Variants in DDX46 observed in about 807,000 individuals in gnomAD.
DDX46 encodes DEAD-box helicase 46.
In DDX46, 30 loss-of-function variants were observed where a neutral mutation model predicts 134.9. That is an observed-to-expected ratio of 0.22 (90% CI 0.17 to 0.30). The LOEUF (loss-of-function observed/expected upper bound fraction) is 0.30. Among genes scored for constraint, DDX46 ranks in the 10% least tolerant of loss-of-function variants. DDX46 has a pLI of 1.00. For missense variants in DDX46, 622 were observed against 1,248.7 expected, an observed-to-expected ratio of 0.50 and a Z score of 7.56; for synonymous variants, 415 against 404.1, an observed-to-expected ratio of 1.03 and a Z score of -0.32.
At chr5:134,786,044 T>G (rs924491580) in intron 11 of DDX46, among the ~76,000 whole-genome samples, 5 of 152,226 alleles carry the variant, frequency 3.3e-5, no homozygotes, top group African/African-American at 1.2e-4. Flanking sequence ...AGACGGGGTT[T>G]CACCATATTG....
chr5:134,777,853 G>A, intron 6 of DDX46, 128 bp downstream of exon 6: 1 of 1,147,388 alleles, frequency 8.7e-7, no homozygotes, highest in South Asian at 1.8e-5. Flanking sequence ...TCTGAGAGAT[G>A]GCAGTACTTT....
At position 134,794,941 on chromosome 5, in the gene DDX46, G is replaced by A; in HGVS notation, c.1718G>A (p.Arg573Lys). The A allele has an allele frequency of 6.2e-7, 1 of 1,614,180 alleles. No individual in the cohort carries two copies. The highest frequency in any genetic ancestry group is 2.2e-5 in the East Asian group (1 of 44,888). ...AGAGCTATGGAGGCTTTGGCTCGCAGGATCCTCAGTAAACCTATTGAAGTA... is the reference window on the plus strand; with the variant it reads ...AGAGCTATGGAGGCTTTGGCTCGCAAGATCCTCAGTAAACCTATTGAAGTA... ...FPRAMEALAR[R>K]ILSKPIEVQV... Residue 573 changes from arginine (R) to lysine (K), a missense_variant, in exon 14 of 23, where the codon AGG (arginine) becomes AAG (lysine). Transcript: ENST00000452510.
chr5:134,828,735 C>A lies in DDX46; in HGVS notation c.*29C>A. ...TCCGGAAAAAAGATTTTTACCTGTG[C>A]TGGTCTATGATGTATGTGGCAGTTG... On this transcript the variant is annotated 3_prime_UTR_variant, in exon 23 of 23. Coordinates refer to ENST00000452510, the MANE Select transcript of DDX46 (RefSeq NM_001300860.2). The A allele has an allele frequency of 6.8e-7, 1 of 1,463,696 alleles. No homozygotes were observed. Among genetic ancestry groups the A allele is most frequent in the South Asian group, 1.5e-5 (1 of 65,094 alleles). The allele number at this position is 1,463,696 out of a possible 1,614,324, so 90.7% of individuals were successfully genotyped here.
chr5:134,803,213 G>A (rs1754884091), intron 15 of DDX46, among the ~76,000 whole-genome samples: 1 of 151,806 alleles, frequency 6.6e-6, no homozygotes, highest in Non-Finnish European at 1.5e-5. Flanking sequence ...AGGCTGGTCT[G>A]GAACTCCTGA....
chr5:134,774,951 T>C (rs1753889062), intron 5 of DDX46, among the ~76,000 whole-genome samples: 1 of 152,004 alleles, frequency 6.6e-6, no homozygotes, highest in African/African-American at 2.4e-5. Context: ...GCCTCAGCTT[T>C]TCAAGTAGTC....
intron 1 of DDX46, among the ~76,000 whole-genome samples, chr5:134,761,052 G>A (rs1485200426): frequency 6.6e-6 from 1 of 151,512 alleles, no homozygotes; most frequent in Non-Finnish European, 1.5e-5. Flanking sequence ...TTGAGACAGG[G>A]ACTTGCTCTG....
At chr5:134,808,010 GA>G in intron 16 of DDX46, 69 bp downstream of exon 16, 2 of 1,387,480 alleles carry the variant, frequency 1.4e-6, no homozygotes, top group Non-Finnish European at 9.7e-7. Context: ...GTATTTCAAG[GA>G]GTAGATAATA....
chr5:134,798,711 C>T (rs535754361), intron 15 of DDX46, among the ~76,000 whole-genome samples: 2 of 152,148 alleles, frequency 1.3e-5, no homozygotes, highest in African/African-American at 4.8e-5. Context: ...ATTCTGGGTA[C>T]CTCCTATAAG....
chr5:134,761,400 G>C (rs1753381279), intron 1 of DDX46, among the ~76,000 whole-genome samples: 1 of 152,210 alleles, frequency 6.6e-6, no homozygotes, highest in African/African-American at 2.4e-5. Context: ...TGAGCCTAGT[G>C]ACCGGAAGTT....
At chr5:134,776,913 C>CAAA (rs59477051) in intron 5 of DDX46, among the ~76,000 whole-genome samples, 1 of 78,204 alleles carries the variant, frequency 1.3e-5, no homozygotes, top group South Asian at 4.1e-4. Context: ...GACTCTGTCT[C>CAAA]AAAAAAAAAA....
intron 2 of DDX46, among the ~76,000 whole-genome samples, chr5:134,764,573 G>A (rs766799612): frequency 2.6e-5 from 4 of 152,048 alleles, no homozygotes; most frequent in African/African-American, 7.2e-5. Flanking sequence ...GTGAGCCACC[G>A]TGTCCGACCA....
intron 18 of DDX46, among the ~76,000 whole-genome samples, chr5:134,814,099 G>T (rs1755222882): frequency 6.6e-6 from 1 of 152,164 alleles, no homozygotes; most frequent in Non-Finnish European, 1.5e-5. Context: ...AACTATTACA[G>T]TATTTTGAGA....
At chr5:134,772,731 C>T (rs533134513) in intron 4 of DDX46, among the ~76,000 whole-genome samples, 13 of 152,300 alleles carry the variant, frequency 8.5e-5, no homozygotes, top group African/African-American at 2.2e-4. Flanking sequence ...GTCTTGAACT[C>T]CTGACCTCAG....
intron 18 of DDX46, among the ~76,000 whole-genome samples, chr5:134,812,339 A>ACAGGC (rs1755169996): frequency 6.6e-6 from 1 of 152,158 alleles, no homozygotes; most frequent in Non-Finnish European, 1.5e-5. Context: ...TGCTGGGATT[A>ACAGGC]CAGGCGTGAG....
chr5:134,768,258 T>TGCCAA lies in DDX46; in HGVS notation c.350+1199_350+1203dup, dbSNP rs1455025544. Reference sequence around the variant, plus strand: ...CCGAGTAGCTGGGACTGCAGGTGTGTGCCAACATGCCCAGCTAATTTTTTG... The same window carrying TGCCAA: ...CCGAGTAGCTGGGACTGCAGGTGTGTGCCAAGCCAACATGCCCAGCTAATTTTTTG... On this transcript the variant is annotated intron_variant, in intron 3 of 22. Transcript: ENST00000452510. Among the ~76,000 whole-genome samples, 34 of 151,882 alleles carry TGCCAA rather than the reference T, an allele frequency of 2.2e-4. No individual in the cohort carries two copies. The Middle Eastern group carries it at 0.014, about 61-fold the overall frequency.
intron 15 of DDX46, chr5:134,804,911 G>GT (rs569535722): frequency 2.7e-3 from 910 of 337,974 alleles, no homozygotes; most frequent in South Asian, 5.2e-3. Flanking sequence ...CTGCTGACAT[G>GT]TTTTTTTTTG....
chr5:134,781,985 G>A lies in DDX46; in HGVS notation c.944G>A (p.Arg315Gln), dbSNP rs1289695247. 7 of 1,611,318 alleles carry A rather than the reference G, an allele frequency of 4.3e-6. No individual in the cohort carries two copies. The highest frequency in any genetic ancestry group is 2.2e-5 in the East Asian group (1 of 44,834). ...TALTGYQTKQ[R>Q]KLLEPVDHGK... Reference sequence around the variant, plus strand: ...CTTACAGGGTATCAAACAAAACAGCGAAAGCTTCTAGAACCAGTTGATCAT... The same window carrying A: ...CTTACAGGGTATCAAACAAAACAGCAAAAGCTTCTAGAACCAGTTGATCAT... The change falls in exon 8 of 23, where the codon CGA becomes CAA. Residue 315 changes from arginine (R) to glutamine (Q), a missense_variant. Arg to Gln is a conservative substitution (Grantham distance 43). Transcript: ENST00000452510.
intron 18 of DDX46, among the ~76,000 whole-genome samples, chr5:134,812,712 A>G (rs549643314): frequency 4.7e-4 from 60 of 128,308 alleles, no homozygotes; most frequent in Non-Finnish European, 7.9e-4. Context: ...TCTCAGCTCA[A>G]CTGCAACCTC....
chr5:134,785,750 A>G (rs970890916), intron 11 of DDX46, among the ~76,000 whole-genome samples, 164 bp downstream of exon 11: 9 of 152,228 alleles, frequency 5.9e-5, no homozygotes, highest in African/African-American at 1.7e-4. Flanking sequence ...TATTTTATGT[A>G]GGATGAATAC....
Sources: gnomAD v4.1 joint callset for allele counts (sites outside exome capture counted in the v4.1 genomes callset) on GRCh38, gnomAD v4.1.1 for gene constraint, MANE v1.5 for transcripts, NCBI Gene and HGNC (gene_info 2026-07-23, HGNC 2026-07-21) for gene names.